CSMD3: variants seen among roughly 807,000 people sequenced by gnomAD.
CSMD3 encodes CUB and Sushi multiple domains 3, also known as CUB and sushi domain-containing protein 3.
CSMD3 carries 177 observed loss-of-function variants against 435.2 expected under a neutral mutation model. That is an observed-to-expected ratio of 0.41 (90% CI 0.36 to 0.46). The LOEUF is 0.46. Among genes scored for constraint, CSMD3 ranks in the 20% least tolerant of loss-of-function variants. CSMD3 has a pLI of 0.34. For missense variants in CSMD3, 4,265 were observed against 4,504.6 expected (o/e 0.95, Z 1.52); for synonymous variants, 1,656 against 1,520.5 (o/e 1.09, Z -2.07).
intron 17 of CSMD3, 114 bp from the exon 18 acceptor site, chr8:112,656,455 ATT>A (rs1383102934): frequency 5.6e-6 from 4 of 715,898 alleles, no homozygotes; most frequent in Middle Eastern, 3.9e-4. Flanking sequence ...TTATATTATA[ATT>A]TTCTTTAGCT....
At chr8:112,918,546 A>G (rs1442555485) in intron 10 of CSMD3, among the ~76,000 whole-genome samples, 11 of 151,874 alleles carry the variant, frequency 7.2e-5, no homozygotes, top group Admixed American at 7.2e-4. Context: ...AGGAAGGTCT[A>G]AAATGAACAT....
intron 53 of CSMD3, among the ~76,000 whole-genome samples, chr8:112,296,560 T>A (rs12677548): frequency 0.23 from 28,202 of 120,692 alleles, 3,147 homozygotes; most frequent in Middle Eastern, 0.32. Flanking sequence ...AAAAAAAAAA[T>A]AAATAAATAA....
In CSMD3 at chr8:112,673,116, T is replaced by TA. The variant is rs2075695218; in HGVS notation, c.2678-6702dup. ...AGTCCTTCTGTGGAGTTGTTCTTGATAAAATCTAGATGCCAATTCAAGGAC... is the reference window on the plus strand; with the variant it reads ...AGTCCTTCTGTGGAGTTGTTCTTGATAAAAATCTAGATGCCAATTCAAGGAC... On this transcript the variant is annotated intron_variant, in intron 16 of 70. Transcript: ENST00000297405. Among the ~76,000 whole-genome samples the TA allele has an allele frequency of 5.3e-5, 8 of 151,926 alleles. No homozygotes were observed. In the South Asian group the frequency reaches 1.7e-3, roughly 32 times the overall value.
chr8:113,002,544 G>C (rs1296139263), intron 6 of CSMD3, among the ~76,000 whole-genome samples: 4 of 152,032 alleles, frequency 2.6e-5, no homozygotes, highest in Admixed American at 6.6e-5. Context: ...GGACTTAAAT[G>C]TCTCTATTTG....
chr8:112,423,665 G>A (rs1812752839), intron 32 of CSMD3, among the ~76,000 whole-genome samples: 1 of 152,004 alleles, frequency 6.6e-6, no homozygotes, highest in South Asian at 2.1e-4. Context: ...GGCTGGACTC[G>A]AACTTCTGGG....
intron 4 of CSMD3, among the ~76,000 whole-genome samples, chr8:113,137,563 A>G (rs1031536725): frequency 4.6e-5 from 7 of 151,646 alleles, no homozygotes; most frequent in African/African-American, 1.7e-4. Context: ...GGGCACCAGC[A>G]CATTTATTTT....
At chr8:112,550,484 C>G (rs901665778) in intron 27 of CSMD3, among the ~76,000 whole-genome samples, 187 bp downstream of exon 27, 11 of 151,682 alleles carry the variant, frequency 7.3e-5, no homozygotes, top group Admixed American at 7.2e-4. Flanking sequence ...AATCAATATT[C>G]AAAGTTAGTT....
At chr8:113,142,551 G>C (rs2091573928) in intron 4 of CSMD3, among the ~76,000 whole-genome samples, 1 of 151,066 alleles carries the variant, frequency 6.6e-6, no homozygotes, top group African/African-American at 2.4e-5. Flanking sequence ...TGGTGCTAGA[G>C]CAACTGGAAA....
intron 38 of CSMD3, among the ~76,000 whole-genome samples, chr8:112,366,864 C>T (rs1827830833): frequency 6.6e-6 from 1 of 152,124 alleles, no homozygotes; most frequent in Admixed American, 6.6e-5. Flanking sequence ...GACAAAATGG[C>T]TGGTATCATT....
chr8:112,739,986 T>C (rs1219454563), intron 13 of CSMD3, among the ~76,000 whole-genome samples: 2 of 151,740 alleles, frequency 1.3e-5, no homozygotes, highest in Non-Finnish European at 2.9e-5. Flanking sequence ...GGAAATGCAA[T>C]CCAAATCTCA....
chr8:112,795,649 G>A (rs1281271001), intron 13 of CSMD3, among the ~76,000 whole-genome samples: 1 of 152,062 alleles, frequency 6.6e-6, no homozygotes, highest in African/African-American at 2.4e-5. Context: ...ATGGTAGAGG[G>A]AATTCAAGAA....
intron 3 of CSMD3, among the ~76,000 whole-genome samples, chr8:113,207,608 C>T (rs1376295884): frequency 1.3e-5 from 2 of 152,004 alleles, no homozygotes; most frequent in African/African-American, 2.4e-5. Flanking sequence ...GTCTCAAACT[C>T]CTGACCTCAG....
At chr8:112,449,950 C>T (rs922439799) in intron 32 of CSMD3, among the ~76,000 whole-genome samples, 2 of 152,150 alleles carry the variant, frequency 1.3e-5, no homozygotes, top group African/African-American at 4.8e-5. Flanking sequence ...TCTTGAACTC[C>T]TGACCTCAGC....
chr8:112,950,787 C>A (rs77339238), intron 8 of CSMD3, among the ~76,000 whole-genome samples: 1 of 151,850 alleles, frequency 6.6e-6, no homozygotes, highest in South Asian at 2.1e-4. Flanking sequence ...ACTATTAACC[C>A]GGAGCTCTAT....
intron 1 of CSMD3, among the ~76,000 whole-genome samples, chr8:113,421,503 C>T (rs987450796): frequency 1.3e-4 from 20 of 152,244 alleles, no homozygotes; most frequent in African/African-American, 4.6e-4. Flanking sequence ...AATGCATATA[C>T]TTCATGTTTA....
chr8:112,470,875 T>A (rs1214146796), intron 32 of CSMD3, among the ~76,000 whole-genome samples: 2 of 151,814 alleles, frequency 1.3e-5, no homozygotes, highest in Admixed American at 1.3e-4. Flanking sequence ...TAAATCAAAG[T>A]ACACTTTGTT....
Position 112,352,453 on chromosome 8 carries a change from A to G in CSMD3, c.6218T>C (p.Val2073Ala), listed in dbSNP as rs754853436. 3 of 1,613,694 alleles carry G rather than the reference A, an allele frequency of 1.9e-6. No individual in the cohort carries two copies. Among genetic ancestry groups the G allele is most frequent in the Non-Finnish European group, 2.5e-6 (3 of 1,179,754 alleles). ...KIGDRYMVGD[V>A]VSFQCDQGYS... ...TCCTTGATCACACTGAAAGGATACT[A>G]CATCTCCAACCATATATCTGTCTCC... is the stretch of plus-strand genomic sequence containing the variant. The change falls in exon 39 of 71, where the codon GTA becomes GCA. Residue 2073 changes from valine (V) to alanine (A), a missense_variant. Around this residue, in one of 3 missense-constraint regions of CSMD3, gnomAD observed 3,255 missense variants for 3,380.2 expected, o/e 0.96. Coordinates refer to ENST00000297405, the MANE Select transcript of CSMD3 (RefSeq NM_198123.2).
intron 3 of CSMD3, among the ~76,000 whole-genome samples, chr8:113,186,740 T>G (rs971106831): frequency 3.3e-5 from 5 of 152,068 alleles, no homozygotes; most frequent in African/African-American, 1.2e-4. Flanking sequence ...AAGATCATTT[T>G]ACACCCTGTG....
At chr8:113,417,662 T>C (rs2094588212) in intron 1 of CSMD3, among the ~76,000 whole-genome samples, 2 of 151,964 alleles carry the variant, frequency 1.3e-5, no homozygotes. Flanking sequence ...GGCTGTCTTA[T>C]TTTTTTCTTC....
Sources: gnomAD v4.1 joint callset for allele counts (sites outside exome capture counted in the v4.1 genomes callset) on GRCh38, gnomAD v4.1.1 for gene constraint, gnomAD v4.1.1 regional missense constraint, MANE v1.5 for transcripts, NCBI Gene and HGNC (gene_info 2026-07-23, HGNC 2026-07-21) for gene names.